The following NXPE3 variants were observed in gnomAD, a reference collection of about 807,000 sequenced individuals.
NXPE3 encodes the protein NXPE family member 3.
Under a neutral mutation model 46.1 loss-of-function variants are expected in NXPE3, and 26 were observed. The ratio of observed to expected loss-of-function variants is 0.56; its 90% CI spans 0.41 to 0.78. The LOEUF (loss-of-function observed/expected upper bound fraction) is 0.78, where lower values mean the gene tolerates loss of function less well. NXPE3 is among the 30% of genes least tolerant of loss of function. NXPE3 has a pLI of 0.00. For synonymous variants in NXPE3, 272 were observed against 257.9 expected, an observed-to-expected ratio of 1.05 and a Z score of -0.52; for missense variants, 620 against 686.0, an observed-to-expected ratio of 0.90 and a Z score of 1.07.
intron 4 of NXPE3, among the ~76,000 whole-genome samples, chr3:101,799,124 A>G (rs1459701295): frequency 1.3e-5 from 2 of 151,734 alleles, no homozygotes; most frequent in Non-Finnish European, 2.9e-5. Flanking sequence ...ATTCTTGTAG[A>G]GATGGGGGTC....
At chr3:101,786,309 G>T (rs1012311933) in intron 4 of NXPE3, among the ~76,000 whole-genome samples, 3 of 152,134 alleles carry the variant, frequency 2.0e-5, no homozygotes, top group Non-Finnish European at 4.4e-5. Context: ...CTTTTGTTTT[G>T]TTGGCTTGTG....
intron 7 of NXPE3, among the ~76,000 whole-genome samples, chr3:101,819,072 C>A (rs1942129377): frequency 6.6e-6 from 1 of 151,910 alleles, no homozygotes; most frequent in African/African-American, 2.4e-5. Context: ...TCCTATAGGA[C>A]AATTATATTC....
chr3:101,799,395 A>T (rs1941014854), intron 4 of NXPE3, among the ~76,000 whole-genome samples: 1 of 152,108 alleles, frequency 6.6e-6, no homozygotes, highest in Admixed American at 6.5e-5. Context: ...GCTCTAAGTG[A>T]TGAAGAAAGC....
chr3:101,821,236 A>G (rs950665807), intron 7 of NXPE3, among the ~76,000 whole-genome samples, 168 bp from the exon 8 acceptor site: 11 of 152,240 alleles, frequency 7.2e-5, no homozygotes, highest in African/African-American at 2.7e-4. Context: ...GCCCATTGAT[A>G]CAAAAGGGGG....
At position 101,827,661 on chromosome 3, in the gene NXPE3, T is replaced by C. The variant is rs969959524; in HGVS notation, c.*5707T>C. 6.6e-6 allele frequency among the ~76,000 whole-genome samples: 1 copy of C among 152,180 alleles called. No homozygotes were observed. The highest frequency in any genetic ancestry group is 2.4e-5 in the African/African-American group (1 of 41,432). Reference sequence around the variant, plus strand: ...AAAGGACGTCTTTAAGGAAAAAGTTTTGTTTGTAGATGTTGCCTCTGATTC... The same window carrying C: ...AAAGGACGTCTTTAAGGAAAAAGTTCTGTTTGTAGATGTTGCCTCTGATTC... On this transcript the variant is annotated 3_prime_UTR_variant, in exon 8 of 8. Coordinates refer to ENST00000273347, the MANE Select transcript of NXPE3 (RefSeq NM_145037.4).
At chr3:101,819,414 A>G (rs1217896122) in intron 7 of NXPE3, among the ~76,000 whole-genome samples, 4 of 152,160 alleles carry the variant, frequency 2.6e-5, no homozygotes, top group Non-Finnish European at 5.9e-5. Flanking sequence ...AGAGGGAGAA[A>G]AGGGAATTTT....
intron 6 of NXPE3, among the ~76,000 whole-genome samples, chr3:101,813,950 TATG>T (rs777007920): frequency 6.6e-6 from 1 of 152,186 alleles, no homozygotes; most frequent in Non-Finnish European, 1.5e-5. Context: ...ATTTAAAAAA[TATG>T]ATTTTTTTCT....
At chr3:101,819,259 A>G (rs964883526) in intron 7 of NXPE3, among the ~76,000 whole-genome samples, 1 of 152,216 alleles carries the variant, frequency 6.6e-6, no homozygotes, top group African/African-American at 2.4e-5. Context: ...GGGAATATTT[A>G]GGGATATGAG....
At chr3:101,803,656 G>A (rs1458344608) in intron 5 of NXPE3, among the ~76,000 whole-genome samples, 2 of 152,184 alleles carry the variant, frequency 1.3e-5, no homozygotes, top group Admixed American at 6.5e-5. Flanking sequence ...GTCTCACTTT[G>A]TCATCCAGGC....
At chr3:101,796,757 GTA>G (rs1940851398) in intron 4 of NXPE3, among the ~76,000 whole-genome samples, 1 of 152,188 alleles carries the variant, frequency 6.6e-6, no homozygotes, top group African/African-American at 2.4e-5. Flanking sequence ...GAAAATGTGT[GTA>G]TGTTAGTATA....
intron 4 of NXPE3, among the ~76,000 whole-genome samples, chr3:101,789,452 G>A (rs922103357): frequency 6.6e-6 from 1 of 152,082 alleles, no homozygotes; most frequent in African/African-American, 2.4e-5. Context: ...AAGCTGAGAC[G>A]GGAGAATCCC....
In NXPE3 at chr3:101,799,550, C is replaced by T. The variant is rs529861042; in HGVS notation, c.94-1685C>T. Among the ~76,000 whole-genome samples, 300 of 152,088 alleles carry T rather than the reference C, an allele frequency of 2.0e-3. No homozygotes were observed. In the South Asian group the frequency reaches 0.022, roughly 11 times the overall value. On this transcript the variant is annotated intron_variant, in intron 4 of 7. Transcript: ENST00000273347. ...CAAGCAGTTCTCTCCCTCAGCCTTC[C>T]GAGTAGTTGGGATTACAGGCGCCTG...
At chr3:101,785,785 C>T (rs745982090) in intron 4 of NXPE3, 96 bp downstream of exon 4, 61 of 887,988 alleles carry the variant, frequency 6.9e-5, no homozygotes, top group Non-Finnish European at 1.0e-4. Flanking sequence ...GGAAGATTAT[C>T]GTAGTCACAG....
intron 4 of NXPE3, among the ~76,000 whole-genome samples, chr3:101,793,093 G>T (rs1940612520): frequency 6.6e-6 from 1 of 152,150 alleles, no homozygotes; most frequent in Non-Finnish European, 1.5e-5. Context: ...AGGAATGCTG[G>T]TGATTTTTGT....
intron 1 of NXPE3, among the ~76,000 whole-genome samples, chr3:101,781,066 T>G (rs1032193044): frequency 6.6e-6 from 1 of 152,244 alleles, no homozygotes; most frequent in African/African-American, 2.4e-5. Context: ...ACAGCTACTC[T>G]TTGCAAAGTT....
rs775971828 is a variant in NXPE3, at chr3:101,801,901, A to C, written c.760A>C (p.Lys254Gln). The C allele has an allele frequency of 8.1e-6, 13 of 1,614,042 alleles. No individual in the cohort carries two copies. The highest frequency in any genetic ancestry group is 1.3e-5 in the African/African-American group (1 of 74,930). ...GEPWFCFKPK[K>Q]LPCSSRITHF... ...GCCCTGGTTCTGCTTCAAACCAAAG[A>C]AGCTCCCTTGCAGCAGCAGAATTAC... is the stretch of plus-strand genomic sequence containing the variant. The change falls in exon 5 of 8, where the codon AAG becomes CAG. Residue 254 changes from lysine (K) to glutamine (Q), a missense_variant. Coordinates refer to ENST00000273347, the MANE Select transcript of NXPE3 (RefSeq NM_145037.4).
intron 5 of NXPE3, among the ~76,000 whole-genome samples, chr3:101,804,274 G>A (rs1434123771): frequency 6.6e-6 from 1 of 152,172 alleles, no homozygotes; most frequent in East Asian, 1.9e-4. Context: ...AAACTTAAAA[G>A]TATTTCTGAC....
In NXPE3 at chr3:101,822,614, G is replaced by C. The variant is rs1942306368; in HGVS notation, c.*660G>C. On this transcript the variant is annotated 3_prime_UTR_variant, in exon 8 of 8. Transcript: ENST00000273347. ...CAGTATATATAAAATCTGTGCTTTGGAATTGATATTTGCATTTGGTGATTG... is the reference window on the plus strand; with the variant it reads ...CAGTATATATAAAATCTGTGCTTTGCAATTGATATTTGCATTTGGTGATTG... The C allele has an allele frequency of 6.6e-6, 1 of 152,152 alleles. No individual in the cohort carries two copies. Among genetic ancestry groups the C allele is most frequent in the African/African-American group, 2.4e-5 (1 of 41,408 alleles). The allele number at this position is 152,152 out of a possible 1,614,324, so 9.4% of individuals were successfully genotyped here.
At chr3:101,808,410 T>C (rs888635916) in intron 6 of NXPE3, among the ~76,000 whole-genome samples, 1 of 152,044 alleles carries the variant, frequency 6.6e-6, no homozygotes, top group East Asian at 1.9e-4. Flanking sequence ...TTAATACCTG[T>C]GGATCAAGCA....
Sources: gnomAD v4.1 joint callset for allele counts (sites outside exome capture counted in the v4.1 genomes callset) on GRCh38, gnomAD v4.1.1 for gene constraint, MANE v1.5 for transcripts, NCBI Gene and HGNC (gene_info 2026-07-23, HGNC 2026-07-21) for gene names.